Variants in OR10G8 observed in about 807,000 individuals in gnomAD.
OR10G8 encodes the protein olfactory receptor family 10 subfamily G member 8.
For missense variants in OR10G8, 386 were observed against 384.9 expected (o/e 1.00, Z -0.02); for synonymous variants, 173 against 163.2 (o/e 1.06, Z -0.46).
At chr11:124,029,558 A>C in intron 1 of OR10G8, 38 bp from the exon 2 acceptor site, 2 of 1,514,230 alleles carry the variant, frequency 1.3e-6, no homozygotes, top group Non-Finnish European at 1.8e-6. Flanking sequence ...TCATTTCTCA[A>C]TTAAGTGCTA....
chr11:124,028,903 C>T (rs1231620635), intron 1 of OR10G8, among the ~76,000 whole-genome samples: 3 of 152,102 alleles, frequency 2.0e-5, no homozygotes, highest in East Asian at 1.9e-4. Context: ...AATAACCTTC[C>T]TTTGAGTATG....
Position 124,029,124 on chromosome 11 carries a change from C to T in OR10G8, c.-27-472C>T, listed in dbSNP as rs527481673. Among the ~76,000 whole-genome samples, 4 of 152,146 alleles carry T rather than the reference C, an allele frequency of 2.6e-5. No homozygotes were observed. In the South Asian group the frequency reaches 6.2e-4, roughly 24 times the overall value. Reference sequence around the variant, plus strand: ...AGTTACGTGTCCTGCCAACAAACAGCAAGGAAACTGGAACCTGAGTCCTAA... The same window carrying T: ...AGTTACGTGTCCTGCCAACAAACAGTAAGGAAACTGGAACCTGAGTCCTAA... On this transcript the variant is annotated intron_variant, in intron 1 of 1. Coordinates refer to ENST00000641224, the MANE Select transcript of OR10G8 (RefSeq NM_001004464.2).
intron 1 of OR10G8, 123 bp from the exon 2 acceptor site, chr11:124,029,473 G>A: frequency 2.3e-6 from 2 of 884,764 alleles, no homozygotes; most frequent in South Asian, 3.5e-5. Flanking sequence ...AGGAAGCTTT[G>A]TTAACAAGCA....
intron 1 of OR10G8, 125 bp from the exon 2 acceptor site, chr11:124,029,471 T>C (rs538530849): frequency 1.2e-6 from 1 of 859,968 alleles, no homozygotes; most frequent in Admixed American, 2.8e-5. Flanking sequence ...GAAGGAAGCT[T>C]TGTTAACAAG....
At position 124,029,861 on chromosome 11, in the gene OR10G8, T is replaced by C; in HGVS notation, c.239T>C (p.Leu80Pro). Residue 80 changes from leucine to proline, a missense_variant, in exon 2 of 2, where the codon CTG becomes CCG. Coordinates refer to ENST00000641224, the MANE Select transcript of OR10G8 (RefSeq NM_001004464.2). Reference protein sequence around the residue: ...WFSTVTVPKLLMTLVFPSGRA... With the variant: ...WFSTVTVPKLPMTLVFPSGRA... ...TCCACTGTCACGGTGCCCAAATTGC[T>C]GATGACTTTGGTGTTCCCAAGTGGC... 2 of 1,614,178 alleles carry C rather than the reference T, an allele frequency of 1.2e-6. No individual in the cohort carries two copies. The highest frequency in any genetic ancestry group is 1.7e-6 in the Non-Finnish European group (2 of 1,180,026).
Position 124,029,671 on chromosome 11 carries a change from C to T in OR10G8, c.49C>T (p.His17Tyr). ...AGCGTTCATCCTCATGGGCCTTCCC[C>T]ATGCCCCAGCGCTGGACGCCCCCCT... Reference protein sequence around the residue: ...LTAFILMGLPHAPALDAPLFG... With the variant: ...LTAFILMGLPYAPALDAPLFG... Residue 17 changes from histidine (H) to tyrosine (Y), a missense_variant, in exon 2 of 2, where the codon CAT becomes TAT. His to Tyr is a moderately conservative substitution (Grantham distance 83, BLOSUM62 2). Transcript: ENST00000641224. The T allele has an allele frequency of 6.2e-7, 1 of 1,613,986 alleles. No individual in the cohort carries two copies. The highest frequency in any genetic ancestry group is 1.7e-4 in the Middle Eastern group (1 of 6,056).
chr11:124,030,633 G>C lies in OR10G8; in HGVS notation c.*75G>C. 2.5e-6 allele frequency: 3 copies of C among 1,209,922 alleles called. No individual in the cohort carries two copies. In the South Asian group the frequency reaches 4.8e-5, roughly 19 times the overall value. The allele number at this position is 1,209,922 out of a possible 1,614,324, so 74.9% of individuals were successfully genotyped here. ...AACATACAGGGGCAGGTATCTTTTG[G>C]ATGTAATGAATTCTTTTCCTTTGGG... On this transcript the variant is annotated 3_prime_UTR_variant, in exon 2 of 2. Coordinates refer to ENST00000641224, the MANE Select transcript of OR10G8 (RefSeq NM_001004464.2).
rs760036197 is a variant in OR10G8, at chr11:124,030,018, C to T, written c.396C>T (p.Thr132=). 4 of 1,614,072 alleles carry T rather than the reference C, an allele frequency of 2.5e-6. No homozygotes were observed. The African/African-American group carries it at 4.0e-5, about 16-fold the overall frequency. Residue 132 remains threonine, a synonymous_variant, in exon 2 of 2, where the codon ACC becomes ACT. Coordinates refer to ENST00000641224, the MANE Select transcript of OR10G8 (RefSeq NM_001004464.2). ...CCATCAGTTACCCGCTCAGGTACAC[C>T]AGCATGATGACTGGGCGCTCGTGTA... is the stretch of plus-strand genomic sequence containing the variant. ...YLAISYPLRY[T]SMMTGRSCTL...
At chr11:124,026,949 A>C (rs1179458179) in intron 1 of OR10G8, 82 bp downstream of exon 1, 1 of 151,844 alleles carries the variant, frequency 6.6e-6, no homozygotes, top group Non-Finnish European at 1.5e-5. Context: ...TAAATAAAAA[A>C]CTCTAAGGAA....
At position 124,029,656 on chromosome 11, in the gene OR10G8, C is replaced by A; in HGVS notation, c.34C>A (p.Leu12Ile). 1 of 1,613,932 alleles carries A rather than the reference C, an allele frequency of 6.2e-7. No homozygotes were observed. Among genetic ancestry groups the A allele is most frequent in the South Asian group, 1.1e-5 (1 of 91,058 alleles). Residue 12 changes from leucine to isoleucine, a missense_variant, in exon 2 of 2, where the codon CTC (leucine) becomes ATC (isoleucine). Coordinates refer to ENST00000641224, the MANE Select transcript of OR10G8 (RefSeq NM_001004464.2). Reference sequence around the variant, plus strand: ...CGCCAGCCTACTGACAGCGTTCATCCTCATGGGCCTTCCCCATGCCCCAGC... The same window carrying A: ...CGCCAGCCTACTGACAGCGTTCATCATCATGGGCCTTCCCCATGCCCCAGC... Reference protein sequence around the residue: ...SNASLLTAFILMGLPHAPALD... With the variant: ...SNASLLTAFIIMGLPHAPALD...
At position 124,030,558 on chromosome 11, in the gene OR10G8, G is replaced by A. The variant is rs546499222; in HGVS notation, c.936G>A (p.Ter312=). 11 of 1,568,888 alleles carry A rather than the reference G, an allele frequency of 7.0e-6. No homozygotes were observed. In the African/African-American group the frequency reaches 1.1e-4, roughly 16 times the overall value. ...KDKVAHSQSK[*] The stretch of plus-strand genomic sequence containing the variant: ...AAGTAGCACATTCTCAGAGCAAATA[G>A]ACACTAGGGAAGATTACATATCTTA... The change falls in exon 2 of 2, where the codon TAG becomes TAA. Residue 312 remains the stop codon, a stop_retained_variant. Coordinates refer to ENST00000641224, the MANE Select transcript of OR10G8 (RefSeq NM_001004464.2).
rs890438582 is a variant in OR10G8, at chr11:124,029,505, T to A, written c.-27-91T>A. 35 of 1,169,682 alleles carry A rather than the reference T, an allele frequency of 3.0e-5. No homozygotes were observed. The African/African-American group carries it at 4.5e-4, about 15-fold the overall frequency. The allele number at this position is 1,169,682 out of a possible 1,614,324, so 72.5% of individuals were successfully genotyped here. The stretch of plus-strand genomic sequence containing the variant: ...AGCAAAGTCCACAATAACTCCAGAA[T>A]TATCTACCTGCTTGATGCAGTTTCC... On this transcript the variant is annotated intron_variant, in intron 1 of 1. Coordinates refer to ENST00000641224, the MANE Select transcript of OR10G8 (RefSeq NM_001004464.2).
Position 124,030,099 on chromosome 11 carries a change from C to A in OR10G8, c.477C>A (p.Ala159=). ...LSGSLHSAVQ[A]ILTFHLPYCG... ...GCTCTCTGCACTCTGCTGTCCAGGC[C>A]ATATTGACTTTCCATTTGCCCTACT... Residue 159 remains alanine, a synonymous_variant, in exon 2 of 2, where the codon GCC becomes GCA. Transcript: ENST00000641224. The A allele has an allele frequency of 6.2e-7, 1 of 1,614,058 alleles. No individual in the cohort carries two copies. The highest frequency in any genetic ancestry group is 1.3e-5 in the African/African-American group (1 of 75,046).
chr11:124,026,861 G>C lies in OR10G8; in HGVS notation c.-34G>C, dbSNP rs1428489685. ...GAGTGTCTCTCAGCCACTGGTGAGA[G>C]AAAAGGGTAAGTCAGTTATTCTTTC... On this transcript the variant is annotated 5_prime_UTR_variant, in exon 1 of 2. Transcript: ENST00000641224. 2 of 152,196 alleles carry C rather than the reference G, an allele frequency of 1.3e-5. No homozygotes were observed. The highest frequency in any genetic ancestry group is 2.9e-5 in the Non-Finnish European group (2 of 68,040). 9.4% of individuals were successfully genotyped at this position (152,196 alleles called of 1,614,324 possible). A position where few individuals can be genotyped will look rare whatever the true frequency, so the allele number is the denominator to read the frequency against.
rs150058690 is a variant in OR10G8, at chr11:124,030,597, G to A, written c.*39G>A. On this transcript the variant is annotated 3_prime_UTR_variant, in exon 2 of 2. Coordinates refer to ENST00000641224, the MANE Select transcript of OR10G8 (RefSeq NM_001004464.2). ...TTACATATCTTAGCTCTTGTGAATA[G>A]TGCTGTGAAAAACATACAGGGGCAG... 1.4e-4 allele frequency: 211 copies of A among 1,482,482 alleles called. 1 individual carries two copies. The African/African-American group carries it at 2.3e-3, about 16-fold the overall frequency. 91.8% of individuals were successfully genotyped at this position (1,482,482 alleles called of 1,614,324 possible). A position where few individuals can be genotyped will look rare whatever the true frequency, so the allele number is the denominator to read the frequency against.
intron 1 of OR10G8, among the ~76,000 whole-genome samples, chr11:124,029,342 G>A (rs547073240): frequency 6.6e-6 from 1 of 152,150 alleles, no homozygotes; most frequent in Admixed American, 6.5e-5. Context: ...TAAGTTTGTG[G>A]TAATTTATAC....
Position 124,030,624 on chromosome 11 carries a change from T to TTAC in OR10G8, c.*66_*67insTAC. ...GCTGTGAAAAACATACAGGGGCAGG[T>TTAC]ATCTTTTGGATGTAATGAATTCTTT... On this transcript the variant is annotated 3_prime_UTR_variant, in exon 2 of 2. Coordinates refer to ENST00000641224, the MANE Select transcript of OR10G8 (RefSeq NM_001004464.2). The TTAC allele has an allele frequency of 7.7e-7, 1 of 1,291,778 alleles. No individual in the cohort carries two copies. Among genetic ancestry groups the TTAC allele is most frequent in the Non-Finnish European group, 1.1e-6 (1 of 937,280 alleles). The allele number at this position is 1,291,778 out of a possible 1,614,324, so 80.0% of individuals were successfully genotyped here.
At chr11:124,028,419 G>A (rs1235295355) in intron 1 of OR10G8, among the ~76,000 whole-genome samples, 1 of 152,198 alleles carries the variant, frequency 6.6e-6, no homozygotes, top group Non-Finnish European at 1.5e-5. Flanking sequence ...AGGCAGTAGT[G>A]AGGACATCAG....
chr11:124,027,111 C>G (rs1187245760), intron 1 of OR10G8, among the ~76,000 whole-genome samples: 1 of 152,172 alleles, frequency 6.6e-6, no homozygotes, highest in East Asian at 1.9e-4. Context: ...CCCTGCACTT[C>G]AACTGGTTTG....
Sources: allele counts gnomAD v4.1 joint callset (sites outside exome capture counted in the v4.1 genomes callset), GRCh38; gene constraint gnomAD v4.1.1; transcripts MANE v1.5; gene names NCBI Gene and HGNC (gene_info 2026-07-23, HGNC 2026-07-21).